GRIA2: variants seen among roughly 807,000 people sequenced by gnomAD.
GRIA2 encodes the protein glutamate ionotropic receptor AMPA type subunit 2.
GRIA2 carries 14 observed loss-of-function variants against 97.3 expected under a neutral mutation model. The observed-to-expected ratio is 0.14, with a 90% CI of 0.10 to 0.23. The LOEUF is 0.23. GRIA2 is among the 10% of genes least tolerant of loss of function. The pLI is 1.00. For missense variants in GRIA2, 558 were observed against 1,069.8 expected (o/e 0.52, Z 6.67); for synonymous variants, 412 against 387.8 (o/e 1.06, Z -0.73).
intron 2 of GRIA2, among the ~76,000 whole-genome samples, chr4:157,287,547 G>A (rs977037917): frequency 2.6e-5 from 4 of 151,670 alleles, no homozygotes; most frequent in African/African-American, 9.7e-5. Context: ...TTTGCTTAGT[G>A]ATTAGAGTTA....
At chr4:157,313,391 A>T (rs1452028074) in intron 4 of GRIA2, among the ~76,000 whole-genome samples, 2 of 152,132 alleles carry the variant, frequency 1.3e-5, no homozygotes, top group South Asian at 2.1e-4. Flanking sequence ...GATTTGTGAA[A>T]TTAAAATATG....
chr4:157,262,368 G>C (rs997837406), intron 2 of GRIA2, among the ~76,000 whole-genome samples: 1 of 151,946 alleles, frequency 6.6e-6, no homozygotes, highest in African/African-American at 2.4e-5. Flanking sequence ...CCCAAATAAT[G>C]GTAACTTTTT....
chr4:157,344,554 C>T lies in GRIA2; in HGVS notation c.2043+3092C>T, dbSNP rs558162742. 3.3e-5 allele frequency among the ~76,000 whole-genome samples: 5 copies of T among 152,208 alleles called. No individual in the cohort carries two copies. In the South Asian group the frequency reaches 1.0e-3, roughly 32 times the overall value. On this transcript the variant is annotated intron_variant, in intron 12 of 15. Transcript: ENST00000264426. ...TTGGAGCCAAGACCTAGTAAAATAGCAGATTACACATGCAATAATACACTT... is the reference window on the plus strand; with the variant it reads ...TTGGAGCCAAGACCTAGTAAAATAGTAGATTACACATGCAATAATACACTT...
intron 3 of GRIA2, among the ~76,000 whole-genome samples, chr4:157,305,083 C>T (rs564783148): frequency 1.3e-5 from 2 of 152,208 alleles, no homozygotes; most frequent in South Asian, 2.1e-4. Context: ...TTTCAATGTG[C>T]TGGATGTTTC....
intron 2 of GRIA2, among the ~76,000 whole-genome samples, chr4:157,279,895 C>A (rs565650749): frequency 1.3e-5 from 2 of 152,034 alleles, no homozygotes; most frequent in African/African-American, 2.4e-5. Flanking sequence ...GAGGCCAAGG[C>A]GGGTGGATCA....
At position 157,327,769 on chromosome 4, in the gene GRIA2, A is replaced by G. The variant is rs118083118; in HGVS notation, c.883-5050A>G. Among the ~76,000 whole-genome samples, 138 of 152,232 alleles carry G rather than the reference A, an allele frequency of 9.1e-4. 1 individual carries two copies. In the East Asian group the frequency reaches 0.021, roughly 23 times the overall value. On this transcript the variant is annotated intron_variant, in intron 6 of 15. Transcript: ENST00000264426. Reference sequence around the variant, plus strand: ...GGCTTTCCCACAAGAATCTCATTTTATTCAGGAAACAACTTCACACGCAGA... The same window carrying G: ...GGCTTTCCCACAAGAATCTCATTTTGTTCAGGAAACAACTTCACACGCAGA...
intron 2 of GRIA2, among the ~76,000 whole-genome samples, chr4:157,242,280 GA>G (rs891524499): frequency 3.9e-5 from 6 of 152,084 alleles, no homozygotes; most frequent in East Asian, 1.9e-4. Context: ...ATATTCAGTG[GA>G]AAAAAACTAT....
chr4:157,271,643 A>G (rs986611366), intron 2 of GRIA2, among the ~76,000 whole-genome samples: 5 of 152,072 alleles, frequency 3.3e-5, no homozygotes, highest in Non-Finnish European at 7.4e-5. Flanking sequence ...TCACATTGGC[A>G]TGATTGGTTA....
chr4:157,264,364 A>G (rs1468993795), intron 2 of GRIA2, among the ~76,000 whole-genome samples: 1 of 152,084 alleles, frequency 6.6e-6, no homozygotes, highest in African/African-American at 2.4e-5. Context: ...GGTCACTTGC[A>G]TGCCTTGGCT....
At chr4:157,328,284 A>G (rs1208848161) in intron 6 of GRIA2, among the ~76,000 whole-genome samples, 2 of 152,080 alleles carry the variant, frequency 1.3e-5, no homozygotes, top group Non-Finnish European at 2.9e-5. Flanking sequence ...AATCTCTAAT[A>G]CCATGATTAT....
intron 2 of GRIA2, among the ~76,000 whole-genome samples, chr4:157,243,627 T>C (rs1292363156): frequency 6.6e-6 from 1 of 152,156 alleles, no homozygotes. Flanking sequence ...TTGTGAATCC[T>C]GTTATCATAG....
In GRIA2 at chr4:157,309,220, G is replaced by A. The variant is rs551755690; in HGVS notation, c.470-3459G>A. Among the ~76,000 whole-genome samples, 38 of 152,048 alleles carry A rather than the reference G, an allele frequency of 2.5e-4. No individual in the cohort carries two copies. In the South Asian group the frequency reaches 7.1e-3, roughly 28 times the overall value. On this transcript the variant is annotated intron_variant, in intron 3 of 15. Coordinates refer to ENST00000264426, the MANE Select transcript of GRIA2 (RefSeq NM_001083619.3). The stretch of plus-strand genomic sequence containing the variant: ...AGTTTCTTAATAATATGTAAGTTTT[G>A]TTAGGTTCCATAGGTTACAAAATAT...
At position 157,363,630 on chromosome 4, in the gene GRIA2, A is replaced by G; in HGVS notation, c.*199A>G. ...AAGAACCTTTTGAGTGCCTTACACA[A>G]TGGTTTTCTTGTGTGTTTATTGTCA... On this transcript the variant is annotated 3_prime_UTR_variant, in exon 16 of 16. Transcript: ENST00000264426. 8.3e-7 allele frequency: 1 copy of G among 1,197,696 alleles called. No individual in the cohort carries two copies. Among genetic ancestry groups the G allele is most frequent in the South Asian group, 4.2e-5 (1 of 23,724 alleles). 74.2% of individuals were successfully genotyped at this position (1,197,696 alleles called of 1,614,324 possible). A position where few individuals can be genotyped will look rare whatever the true frequency, so the allele number is the denominator to read the frequency against.
chr4:157,268,142 G>T (rs907621016), intron 2 of GRIA2, among the ~76,000 whole-genome samples: 1 of 152,014 alleles, frequency 6.6e-6, no homozygotes, highest in Admixed American at 6.6e-5. Flanking sequence ...ATTCATAAAC[G>T]AGACAGGTCT....
chr4:157,266,413 A>C (rs1201035128), intron 2 of GRIA2, among the ~76,000 whole-genome samples: 1 of 152,118 alleles, frequency 6.6e-6, no homozygotes, highest in African/African-American at 2.4e-5. Flanking sequence ...ACTGAGAAAG[A>C]GCATCCAGGA....
Position 157,221,109 on chromosome 4 carries a change from T to C in GRIA2, c.67T>C (p.Ser23Pro). Residue 23 changes from serine (S) to proline (P), a missense_variant, in exon 1 of 16, where the codon TCT (serine) becomes CCT (proline). Ser to Pro is a moderately conservative substitution (Grantham distance 74). Around this residue, in one of 8 missense-constraint regions of GRIA2, gnomAD observed 96 missense variants for 176.6 expected, o/e 0.54. Transcript: ENST00000264426. ...PVLWGLIFGV[S>P]SNSIQIGGLF... ...TTTATGGGGACTGATTTTTGGTGTC[T>C]CTTCTAACAGCATACAGATAGGTAG... The C allele has an allele frequency of 6.4e-7, 1 of 1,555,922 alleles. No individual in the cohort carries two copies. The highest frequency in any genetic ancestry group is 8.9e-7 in the Non-Finnish European group (1 of 1,126,888).
At chr4:157,331,587 T>C (rs1354251853) in intron 6 of GRIA2, among the ~76,000 whole-genome samples, 1 of 152,048 alleles carries the variant, frequency 6.6e-6, no homozygotes, top group Non-Finnish European at 1.5e-5. Flanking sequence ...GTGAAGCAGA[T>C]ATATCTTGAT....
At chr4:157,347,463 C>G (rs1156246420) in intron 12 of GRIA2, among the ~76,000 whole-genome samples, 1 of 152,112 alleles carries the variant, frequency 6.6e-6, no homozygotes, top group African/African-American at 2.4e-5. Flanking sequence ...AATAGCAGAT[C>G]ATGAGAACGA....
chr4:157,327,209 G>C (rs1007517783), intron 6 of GRIA2, among the ~76,000 whole-genome samples: 19 of 152,052 alleles, frequency 1.2e-4, no homozygotes, highest in African/African-American at 4.3e-4. Context: ...ATCTCACACA[G>C]TGGTTTGCAA....
Sources: allele counts gnomAD v4.1 joint callset (sites outside exome capture counted in the v4.1 genomes callset), GRCh38; gene constraint gnomAD v4.1.1; regional missense constraint gnomAD v4.1.1; transcripts MANE v1.5; gene names NCBI Gene and HGNC (gene_info 2026-07-23, HGNC 2026-07-21).